The following C2orf49 variants were observed in gnomAD, a reference collection of about 807,000 sequenced individuals.
C2orf49 encodes tRNA splicing ligase complex subunit 2.
C2orf49 carries 11 observed loss-of-function variants against 20.6 expected under a neutral mutation model. The ratio of observed to expected loss-of-function variants is 0.53; its 90% CI spans 0.34 to 0.88. C2orf49 has a LOEUF of 0.88. C2orf49 is among the 40% of genes least tolerant of loss of function. The probability of loss-of-function intolerance (pLI) is 0.02; values close to 1 mark genes in which losing one functional copy is unlikely to be tolerated. For missense variants in C2orf49, 289 were observed against 274.2 expected (o/e 1.05, Z -0.38); for synonymous variants, 134 against 108.5 (o/e 1.24, Z -1.46).
the C2orf49 span, among the ~76,000 whole-genome samples, chr2:105,371,722 T>TA: frequency 6.6e-6 from 1 of 152,218 alleles, no homozygotes; most frequent in Non-Finnish European, 1.5e-5. Flanking sequence ...TGCTAACAGT[T>TA]AAAGTCTTTA....
chr2:105,385,873 A>T, the C2orf49 span: 3 of 185,224 alleles, frequency 1.6e-5, no homozygotes, highest in African/African-American at 2.3e-5. Flanking sequence ...TCCTTCTCTC[A>T]TTAAAGGAAA....
the C2orf49 span, among the ~76,000 whole-genome samples, chr2:105,369,189 G>T: frequency 2.0e-5 from 3 of 152,184 alleles, no homozygotes; most frequent in Non-Finnish European, 4.4e-5. Context: ...GGGGGTCAGG[G>T]AATGATGGGG....
downstream of C2orf49, among the ~76,000 whole-genome samples, chr2:105,349,827 A>T (rs1036001546): frequency 5.3e-5 from 8 of 152,354 alleles, no homozygotes; most frequent in East Asian, 1.5e-3. Flanking sequence ...CCTAAGGCAT[A>T]GCTATGGAGA....
the C2orf49 span, chr2:105,363,536 A>C: frequency 7.0e-7 from 1 of 1,428,232 alleles, no homozygotes; most frequent in Non-Finnish European, 9.5e-7. Flanking sequence ...AGTCTCAGCT[A>C]CTGCCACTGG....
chr2:105,383,990 A>G, the C2orf49 span, among the ~76,000 whole-genome samples: 11 of 152,194 alleles, frequency 7.2e-5, no homozygotes, highest in East Asian at 1.3e-3. Context: ...TTTTGGCTCC[A>G]TTTGGGAGAC....
the C2orf49 span, chr2:105,359,707 A>G: frequency 6.6e-6 from 1 of 152,166 alleles, no homozygotes; most frequent in Non-Finnish European, 1.5e-5. Context: ...TTTTACTGTA[A>G]TGACTGTGTG....
chr2:105,367,094 A>G, the C2orf49 span, among the ~76,000 whole-genome samples: 2 of 152,214 alleles, frequency 1.3e-5, no homozygotes, highest in African/African-American at 4.8e-5. Context: ...CATTTAATAA[A>G]TGATCTGTCC....
the C2orf49 span, among the ~76,000 whole-genome samples, chr2:105,370,316 A>T: frequency 6.6e-6 from 1 of 152,056 alleles, no homozygotes; most frequent in Non-Finnish European, 1.5e-5. Context: ...TCAAGGCTGC[A>T]GTGAGCAGTG....
chr2:105,350,612 A>G (rs1679910421), downstream of C2orf49, among the ~76,000 whole-genome samples: 1 of 152,236 alleles, frequency 6.6e-6, no homozygotes. Context: ...TTGACTAACA[A>G]ACATTTAGGA....
At chr2:105,360,576 T>C in the C2orf49 span, 1 of 152,538 alleles carries the variant, frequency 6.6e-6, no homozygotes, top group Non-Finnish European at 1.5e-5. Flanking sequence ...CAGGATGGTC[T>C]TGATCTCCTG....
chr2:105,377,273 C>G, the C2orf49 span, among the ~76,000 whole-genome samples: 1 of 152,178 alleles, frequency 6.6e-6, no homozygotes, highest in Non-Finnish European at 1.5e-5. Flanking sequence ...GAACAGTACT[C>G]TTAACAGTGG....
Position 105,343,129 on chromosome 2 carries a change from C to T in C2orf49, c.548C>T (p.Pro183Leu). 1 of 1,614,172 alleles carries T rather than the reference C, an allele frequency of 6.2e-7. No homozygotes were observed. The highest frequency in any genetic ancestry group is 1.1e-5 in the South Asian group (1 of 91,084). The change falls in exon 3 of 4, where the codon CCT becomes CTT. Residue 183 changes from proline (P) to leucine (L), a missense_variant. Physicochemically the swap from Pro to Leu is moderately conservative, Grantham distance 98. Coordinates refer to ENST00000258457, the MANE Select transcript of C2orf49 (RefSeq NM_024093.3). The stretch of plus-strand genomic sequence containing the variant: ...CATGACTTAACGCATAGGAAAAGTC[C>T]TTCAGGCCCTGTGAAGTCGCCACCA... ...QNHDLTHRKS[P>L]SGPVKSPPLS...
the C2orf49 span, chr2:105,373,629 C>T: frequency 1.2e-6 from 2 of 1,614,236 alleles, no homozygotes; most frequent in Non-Finnish European, 1.7e-6. Flanking sequence ...CTGTACAGAG[C>T]AGCTGGTCCT....
the C2orf49 span, chr2:105,359,629 C>T: frequency 6.6e-6 from 1 of 152,216 alleles, no homozygotes; most frequent in Non-Finnish European, 1.5e-5. Context: ...CTCCGTGCTT[C>T]CCAACTGTAT....
the C2orf49 span, among the ~76,000 whole-genome samples, chr2:105,381,640 C>G: frequency 6.6e-6 from 1 of 152,164 alleles, no homozygotes; most frequent in Admixed American, 6.5e-5. Context: ...AGCTTTGCTT[C>G]TGATCCTAGG....
At chr2:105,345,236 T>G in intron 3 of C2orf49, 79 bp from the exon 4 acceptor site, 1 of 1,281,770 alleles carries the variant, frequency 7.8e-7, no homozygotes, top group Middle Eastern at 1.9e-4. Context: ...ATAGTAAACC[T>G]TGGTTGTTTG....
the C2orf49 span, among the ~76,000 whole-genome samples, chr2:105,362,423 G>A: frequency 6.6e-6 from 1 of 152,184 alleles, no homozygotes; most frequent in East Asian, 1.9e-4. Context: ...TAAGGGAAAG[G>A]AAAGTCAAGG....
downstream of C2orf49, among the ~76,000 whole-genome samples, chr2:105,349,849 A>T (rs944373985): frequency 6.6e-6 from 1 of 152,198 alleles, no homozygotes; most frequent in Non-Finnish European, 1.5e-5. Flanking sequence ...CTTTCAGGAG[A>T]AGCATTCTAC....
At position 105,337,576 on chromosome 2, in the gene C2orf49, C is replaced by G; in HGVS notation, c.-12C>G. The G allele has an allele frequency of 1.2e-6, 2 of 1,613,378 alleles. No homozygotes were observed. Among genetic ancestry groups the G allele is most frequent in the Non-Finnish European group, 1.7e-6 (2 of 1,179,960 alleles). On this transcript the variant is annotated 5_prime_UTR_variant, in exon 1 of 4. Coordinates refer to ENST00000258457, the MANE Select transcript of C2orf49 (RefSeq NM_024093.3). ...TTTGTGGGTAGCCGACTGGGGTCTCCTGGCGACGACCATGGCGGGGGATGT... is the reference window on the plus strand; with the variant it reads ...TTTGTGGGTAGCCGACTGGGGTCTCGTGGCGACGACCATGGCGGGGGATGT...
Sources: gnomAD v4.1 joint callset for allele counts (sites outside exome capture counted in the v4.1 genomes callset) on GRCh38, gnomAD v4.1.1 for gene constraint, MANE v1.5 for transcripts, NCBI Gene and HGNC (gene_info 2026-07-23, HGNC 2026-07-21) for gene names.